RALGAPA1: variants seen among roughly 807,000 people sequenced by gnomAD.
RALGAPA1 encodes the protein Ral GTPase activating protein catalytic subunit alpha 1, also known as ral GTPase-activating protein subunit alpha-1.
RALGAPA1 carries 52 observed loss-of-function variants against 269.6 expected under a neutral mutation model. The observed-to-expected ratio is 0.19, with a 90% CI of 0.15 to 0.24. RALGAPA1 has a LOEUF of 0.24. Ranked by LOEUF, RALGAPA1 falls within the 10% of genes least tolerant of loss-of-function variation. RALGAPA1 has a pLI of 1.00. For missense variants in RALGAPA1, 1,917 were observed against 3,013.9 expected (o/e 0.64, Z 8.52); for synonymous variants, 817 against 1,008.3 (o/e 0.81, Z 3.60).
At chr14:35,584,398 G>C (rs2058143228) in intron 37 of RALGAPA1, among the ~76,000 whole-genome samples, 1 of 152,014 alleles carries the variant, frequency 6.6e-6, no homozygotes, top group Admixed American at 6.6e-5. Context: ...CCAAGTCGCT[G>C]GGACCATGGG....
chr14:35,715,931 G>C (rs1228491003), intron 16 of RALGAPA1: 13 of 985,224 alleles, frequency 1.3e-5, no homozygotes, highest in Non-Finnish European at 1.3e-5. Flanking sequence ...AAGAGTCTTA[G>C]AGGTTTCTCT....
intron 37 of RALGAPA1, among the ~76,000 whole-genome samples, chr14:35,585,835 T>C (rs1361664534): frequency 6.6e-6 from 1 of 152,224 alleles, no homozygotes; most frequent in Non-Finnish European, 1.5e-5. Context: ...ACCAGTACCA[T>C]CCTGTTTTGG....
At chr14:35,688,378 G>A in intron 18 of RALGAPA1, 81 bp downstream of exon 18, 1 of 1,486,972 alleles carries the variant, frequency 6.7e-7, no homozygotes, top group Non-Finnish European at 9.1e-7. Flanking sequence ...CTTTTTGATT[G>A]CTTATAGCTT....
intron 41 of RALGAPA1, among the ~76,000 whole-genome samples, chr14:35,541,066 A>T (rs866776760): frequency 2.4e-3 from 112 of 46,950 alleles, no homozygotes; most frequent in Middle Eastern, 0.02. Context: ...TTTTTTTTTG[A>T]GACGGAGTCT....
At chr14:35,779,258 G>A (rs1178456415) in intron 1 of RALGAPA1, among the ~76,000 whole-genome samples, 2 of 152,140 alleles carry the variant, frequency 1.3e-5, no homozygotes, top group East Asian at 1.9e-4. Context: ...GGGCAAGGTG[G>A]TTGACATCTG....
At chr14:35,776,652 A>G (rs965203390) in intron 1 of RALGAPA1, among the ~76,000 whole-genome samples, 4 of 152,206 alleles carry the variant, frequency 2.6e-5, no homozygotes, top group Non-Finnish European at 4.4e-5. Flanking sequence ...TCAATAAAGC[A>G]CAAAGGTGGG....
intron 37 of RALGAPA1, among the ~76,000 whole-genome samples, chr14:35,591,099 C>A (rs2058606963): frequency 6.6e-6 from 1 of 152,138 alleles, no homozygotes. Flanking sequence ...GCTACAATGA[C>A]TTTTCCATGG....
chr14:35,725,708 A>G (rs2069835203), intron 13 of RALGAPA1, among the ~76,000 whole-genome samples: 1 of 152,110 alleles, frequency 6.6e-6, no homozygotes, highest in Non-Finnish European at 1.5e-5. Flanking sequence ...TCTCAAAAAA[A>G]AAAAAAAATT....
intron 39 of RALGAPA1, among the ~76,000 whole-genome samples, chr14:35,561,251 A>AAAAT (rs1555356922): frequency 7.7e-6 from 1 of 130,266 alleles, no homozygotes; most frequent in African/African-American, 3.4e-5. Flanking sequence ...AAAAAAAAAA[A>AAAAT]ATACAGTAAC....
At chr14:35,751,544 G>A (rs966307433) in intron 8 of RALGAPA1, among the ~76,000 whole-genome samples, 3 of 152,084 alleles carry the variant, frequency 2.0e-5, no homozygotes, top group Non-Finnish European at 2.9e-5. Context: ...AGCACTTTGG[G>A]AGGCTAAGGC....
chr14:35,633,918 C>T (rs1665256979), intron 33 of RALGAPA1, among the ~76,000 whole-genome samples: 1 of 152,008 alleles, frequency 6.6e-6, no homozygotes, highest in Non-Finnish European at 1.5e-5. Context: ...ACTGAGTTAA[C>T]TATGTACTAA....
Position 35,716,159 on chromosome 14 carries a change from C to T in RALGAPA1, c.2266+5529G>A, listed in dbSNP as rs944028886. 1.2e-5 allele frequency: 10 copies of T among 850,956 alleles called. No homozygotes were observed. In the Admixed American group the frequency reaches 1.9e-4, roughly 16 times the overall value. The allele number at this position is 850,956 out of a possible 1,614,324, so 52.7% of individuals were successfully genotyped here. A position where few individuals can be genotyped will look rare whatever the true frequency, so the allele number is the denominator to read the frequency against. ...CTATAATCCCAGCACTTTGGGAGGCCGAGGAGGGTGGATCACTTGAGGTCA... is the reference window on the plus strand; with the variant it reads ...CTATAATCCCAGCACTTTGGGAGGCTGAGGAGGGTGGATCACTTGAGGTCA... On this transcript the variant is annotated intron_variant, in intron 16 of 41. Coordinates refer to ENST00000680220, the MANE Select transcript of RALGAPA1 (RefSeq NM_001346249.2).
At chr14:35,561,506 GTTTTTTTTT>G (rs750062810) in intron 39 of RALGAPA1, among the ~76,000 whole-genome samples, 1 of 72,898 alleles carries the variant, frequency 1.4e-5, no homozygotes, top group Non-Finnish European at 2.5e-5. Flanking sequence ...TAATATAGGA[GTTTTTTTTT>G]TTTTTTTTTT....
intron 36 of RALGAPA1, among the ~76,000 whole-genome samples, chr14:35,599,804 C>CT (rs2059162574): frequency 6.7e-6 from 1 of 149,956 alleles, no homozygotes; most frequent in African/African-American, 2.5e-5. Context: ...GTTGACAGTT[C>CT]TTTTTTCTTT....
At chr14:35,563,229 T>A (rs775691893) in intron 39 of RALGAPA1, among the ~76,000 whole-genome samples, 26 of 151,964 alleles carry the variant, frequency 1.7e-4, no homozygotes, top group Non-Finnish European at 3.8e-4. Flanking sequence ...TAACAAAATG[T>A]TTTGAGGCAG....
rs190513899 is a variant in RALGAPA1 at position 35,590,229 on chromosome 14, G to T, written c.7209+5405C>A. Reference sequence around the variant, plus strand: ...ACTTTTCACTGAATATGCTTTCATAGACTTATTAATTACCTCTACCCCACC... The same window carrying T: ...ACTTTTCACTGAATATGCTTTCATATACTTATTAATTACCTCTACCCCACC... On this transcript the variant is annotated intron_variant, in intron 37 of 41. Transcript: ENST00000680220. Among the ~76,000 whole-genome samples, 414 of 152,192 alleles carry T rather than the reference G, an allele frequency of 2.7e-3. 2 individuals carry two copies. The highest frequency in any genetic ancestry group is 9.7e-3 in the African/African-American group (404 of 41,514).
chr14:35,598,953 T>C (rs917877064), intron 36 of RALGAPA1, among the ~76,000 whole-genome samples: 1 of 152,236 alleles, frequency 6.6e-6, no homozygotes, highest in Non-Finnish European at 1.5e-5. Context: ...TTTCTAGAAC[T>C]CTGTTTTTAA....
intron 12 of RALGAPA1, among the ~76,000 whole-genome samples, chr14:35,734,251 A>G (rs1379417479): frequency 6.6e-6 from 1 of 152,214 alleles, no homozygotes; most frequent in African/African-American, 2.4e-5. Flanking sequence ...AGCCAAAGCA[A>G]GACTAAGCAA....
intron 33 of RALGAPA1, among the ~76,000 whole-genome samples, chr14:35,628,567 C>G (rs1247327005): frequency 1.3e-5 from 2 of 152,126 alleles, no homozygotes; most frequent in African/African-American, 2.4e-5. Flanking sequence ...GATTCAGAGA[C>G]AGTTTGTAGA....
Sources: allele counts gnomAD v4.1 joint callset (sites outside exome capture counted in the v4.1 genomes callset), GRCh38; gene constraint gnomAD v4.1.1; transcripts MANE v1.5; gene names NCBI Gene and HGNC (gene_info 2026-07-23, HGNC 2026-07-21).